Variants in ABCC5 observed in about 807,000 individuals in gnomAD.
ABCC5 encodes the protein ATP-binding cassette sub-family C member 5.
In ABCC5, 61 loss-of-function variants were observed where a neutral mutation model predicts 160.9. That is an observed-to-expected ratio of 0.38 (90% CI 0.31 to 0.47). The LOEUF (loss-of-function observed/expected upper bound fraction) is 0.47. ABCC5 is among the 20% of genes least tolerant of loss of function. The pLI, the probability that ABCC5 is intolerant of heterozygous loss-of-function variation, is 0.99. For missense variants in ABCC5, 1,308 were observed against 1,813.3 expected (o/e 0.72, Z 5.06); for synonymous variants, 666 against 700.6 (o/e 0.95, Z 0.78).
At chr3:183,945,065 T>C (rs1714713849) in intron 24 of ABCC5, among the ~76,000 whole-genome samples, 1 of 152,166 alleles carries the variant, frequency 6.6e-6, no homozygotes, top group South Asian at 2.1e-4. Flanking sequence ...AAGATGTGCT[T>C]GTTTCCCCTT....
At chr3:183,974,737 A>G (rs1374828347) in intron 10 of ABCC5, among the ~76,000 whole-genome samples, 1 of 152,242 alleles carries the variant, frequency 6.6e-6, no homozygotes, top group Non-Finnish European at 1.5e-5. Flanking sequence ...GGTGACAATC[A>G]GTGCAGCTTC....
intron 25 of ABCC5, among the ~76,000 whole-genome samples, chr3:183,938,826 A>G (rs1303615231): frequency 1.3e-5 from 2 of 152,178 alleles, no homozygotes; most frequent in African/African-American, 4.8e-5. Context: ...CAGCTGGGGA[A>G]TTGAAGAAGT....
intron 8 of ABCC5, 117 bp downstream of exon 8, chr3:183,981,610 G>C (rs1354052008): frequency 3.8e-5 from 43 of 1,117,138 alleles, no homozygotes; most frequent in Non-Finnish European, 4.2e-5. Context: ...TATGTCCTAC[G>C]ATACTAGACA....
intron 16 of ABCC5, among the ~76,000 whole-genome samples, chr3:183,960,838 T>C (rs1716656200): frequency 6.6e-6 from 1 of 151,914 alleles, no homozygotes; most frequent in Admixed American, 6.6e-5. Flanking sequence ...CAGGTTGGAG[T>C]GCAGTGGTGC....
chr3:184,003,319 T>C (rs1272223016), intron 2 of ABCC5, among the ~76,000 whole-genome samples: 2 of 152,052 alleles, frequency 1.3e-5, no homozygotes, highest in African/African-American at 2.4e-5. Context: ...CTTCCTAATC[T>C]CCAACAAGTT....
At chr3:183,931,773 C>T (rs2108766053) in intron 26 of ABCC5, among the ~76,000 whole-genome samples, 1 of 152,350 alleles carries the variant, frequency 6.6e-6, no homozygotes, top group Non-Finnish European at 1.5e-5. Context: ...AGACCAACCT[C>T]AACAGGGAGC....
chr3:183,990,556 G>A (rs1241826753), intron 2 of ABCC5, among the ~76,000 whole-genome samples: 1 of 151,954 alleles, frequency 6.6e-6, no homozygotes, highest in Non-Finnish European at 1.5e-5. Context: ...ATTTCCATCA[G>A]CCCCAATTAA....
intron 26 of ABCC5, among the ~76,000 whole-genome samples, chr3:183,933,165 CAAAAAAAA>C (rs55863712): frequency 2.7e-5 from 2 of 73,722 alleles, no homozygotes; most frequent in African/African-American, 5.3e-5. Flanking sequence ...GAGACTGTCT[CAAAAAAAA>C]AAAAAAAAAA....
intron 17 of ABCC5, among the ~76,000 whole-genome samples, chr3:183,957,906 G>A (rs1380066590): frequency 8.8e-4 from 88 of 99,670 alleles, no homozygotes; most frequent in Middle Eastern, 0.02. Context: ...GGTTACATGC[G>A]GATCCGTGTG....
At position 183,987,519 on chromosome 3, in the gene ABCC5, C is replaced by G; in HGVS notation, c.591+251G>C. 1 of 620,280 alleles carries G rather than the reference C, an allele frequency of 1.6e-6. No individual in the cohort carries two copies. The highest frequency in any genetic ancestry group is 1.8e-5 in the African/African-American group (1 of 54,544). The allele number at this position is 620,280 out of a possible 1,614,324, so 38.4% of individuals were successfully genotyped here. A position where few individuals can be genotyped will look rare whatever the true frequency, so the allele number is the denominator to read the frequency against. ...CACAACCGAGAAGCACAGTCCTGTG[C>G]AGAACTGGAGTCAGTTCCATTTCAC... is the stretch of plus-strand genomic sequence containing the variant. On this transcript the variant is annotated intron_variant, in intron 5 of 29. Coordinates refer to ENST00000334444, the MANE Select transcript of ABCC5 (RefSeq NM_005688.4). This position sits in a 1 kb window ranked among gnomAD's most constrained non-coding sequence, Gnocchi z 4.2.
At chr3:184,011,007 G>T (rs1273960166) in intron 2 of ABCC5, among the ~76,000 whole-genome samples, 2 of 151,992 alleles carry the variant, frequency 1.3e-5, no homozygotes, top group African/African-American at 2.4e-5. Context: ...CTCCCAAAGT[G>T]CTAGGATTAC....
At chr3:183,928,677 T>G in intron 27 of ABCC5, 70 bp downstream of exon 27, 1 of 1,389,270 alleles carries the variant, frequency 7.2e-7, no homozygotes. Flanking sequence ...GCAGACGGGG[T>G]GTGGCAAGGG....
chr3:183,996,810 A>G (rs1183408583), intron 2 of ABCC5, among the ~76,000 whole-genome samples: 1 of 152,216 alleles, frequency 6.6e-6, no homozygotes, highest in African/African-American at 2.4e-5. Flanking sequence ...GTTGATCAAA[A>G]AGAATCAAAC....
chr3:183,950,019 T>C lies in ABCC5; in HGVS notation c.3051A>G (p.Ala1017=), dbSNP rs774734117. 2 of 1,614,062 alleles carry C rather than the reference T, an allele frequency of 1.2e-6. No homozygotes were observed. The highest frequency in any genetic ancestry group is 1.7e-6 in the Non-Finnish European group (2 of 1,180,018). ...IAGVFPWFLV[A]VGPLVILFSV... ...AAAAGAGGATGACAAGGGGCCCCAC[T>C]GCCACAAGGAACCACGGGAAGACTC... The change falls in exon 21 of 30, where the codon GCA becomes GCG. Residue 1017 remains alanine (A), a synonymous_variant. Transcript: ENST00000334444.
At chr3:183,937,791 TA>T (rs1244061647) in intron 26 of ABCC5, 109 bp downstream of exon 26, 1 of 1,221,996 alleles carries the variant, frequency 8.2e-7, no homozygotes, top group African/African-American at 1.5e-5. Flanking sequence ...AGCACCAGAC[TA>T]GAGATGGTGA....
intron 18 of ABCC5, 127 bp from the exon 19 acceptor site, chr3:183,952,130 G>GGCT: frequency 3.7e-6 from 3 of 809,184 alleles, no homozygotes; most frequent in Non-Finnish European, 5.4e-6. Flanking sequence ...ACCTGGTCAT[G>GGCT]GCTTTGTCCA....
rs1227219844 is a variant in ABCC5, at chr3:183,922,054, TAAA to T, written c.4213-656_4213-654del. Among the ~76,000 whole-genome samples the T allele has an allele frequency of 9.0e-5, 5 of 55,406 alleles. No homozygotes were observed. The East Asian group carries it at 3.9e-3, about 44-fold the overall frequency. The allele number at this position is 55,406 out of a possible 152,430, so 36.3% of individuals were successfully genotyped here. On this transcript the variant is annotated intron_variant, in intron 29 of 29. Coordinates refer to ENST00000334444, the MANE Select transcript of ABCC5 (RefSeq NM_005688.4). ...TCAAAATAATAAATAAATAAATAAA[TAAA>T]TAAATAAATAAATAAATAAATAAAA... is the stretch of plus-strand genomic sequence containing the variant.
intron 24 of ABCC5, 85 bp downstream of exon 24, chr3:183,945,765 T>C: frequency 9.5e-7 from 1 of 1,050,098 alleles, no homozygotes; most frequent in Non-Finnish European, 1.5e-6. Context: ...ACAAGCCTCC[T>C]CCTTGTACAC....
intron 2 of ABCC5, among the ~76,000 whole-genome samples, chr3:183,994,782 T>C (rs1026646345): frequency 2.6e-5 from 4 of 152,174 alleles, no homozygotes; most frequent in African/African-American, 9.7e-5. Flanking sequence ...GTTTAACATC[T>C]ATGTGTACTT....
Sources: gnomAD v4.1 joint callset for allele counts (sites outside exome capture counted in the v4.1 genomes callset) on GRCh38, gnomAD v4.1.1 for gene constraint, Gnocchi (gnomAD v3.1) non-coding constraint, MANE v1.5 for transcripts, NCBI Gene and HGNC (gene_info 2026-07-23, HGNC 2026-07-21) for gene names.